The following CADPS variants were observed in gnomAD, a reference collection of about 807,000 sequenced individuals.
The protein encoded by CADPS is calcium-dependent secretion activator 1.
In CADPS, 57 loss-of-function variants were observed where a neutral mutation model predicts 167.3. The observed-to-expected ratio is 0.34, with a 90% confidence interval of 0.28 to 0.42. The LOEUF (loss-of-function observed/expected upper bound fraction) is 0.42. Ranked by LOEUF, CADPS falls within the 20% of genes least tolerant of loss-of-function variation. CADPS has a pLI of 1.00. For missense variants in CADPS, 1,414 were observed against 1,738.1 expected, an observed-to-expected ratio of 0.81 and a Z score of 3.32; for synonymous variants, 676 against 635.3, an observed-to-expected ratio of 1.06 and a Z score of -0.96.
intron 1 of CADPS, among the ~76,000 whole-genome samples, chr3:62,872,277 A>G (rs927169819): frequency 6.6e-6 from 1 of 152,184 alleles, no homozygotes; most frequent in African/African-American, 2.4e-5. Flanking sequence ...ATTACTCTCA[A>G]TCATTGCTTA....
chr3:62,563,212 T>C (rs1217081500), intron 9 of CADPS, among the ~76,000 whole-genome samples: 1 of 152,240 alleles, frequency 6.6e-6, no homozygotes, highest in Non-Finnish European at 1.5e-5. Flanking sequence ...ATAACCAGAA[T>C]ATAAATATAA....
intron 8 of CADPS, among the ~76,000 whole-genome samples, chr3:62,581,332 T>C (rs1054581222): frequency 1.6e-4 from 25 of 151,994 alleles, no homozygotes; most frequent in Non-Finnish European, 2.9e-5. Flanking sequence ...TCATCTCAAA[T>C]TGTAACTTAT....
chr3:62,444,768 C>A (rs1244278191), intron 27 of CADPS, among the ~76,000 whole-genome samples: 1 of 151,774 alleles, frequency 6.6e-6, no homozygotes, highest in East Asian at 1.9e-4. Flanking sequence ...TAAACCATTA[C>A]ACACTTAGCT....
At position 62,569,620 on chromosome 3, in the gene CADPS, G is replaced by C. The variant is rs190803675; in HGVS notation, c.1644+1252C>G. On this transcript the variant is annotated intron_variant, in intron 9 of 29. Transcript: ENST00000383710. ...AGTTCAGAGTTGGTGAAACCCTCAA[G>C]GTCATTTAGACCTAAAAGGGAGTTG... Among the ~76,000 whole-genome samples, 236 of 152,320 alleles carry C rather than the reference G, an allele frequency of 1.5e-3. 1 individual carries two copies. The highest frequency in any genetic ancestry group is 5.2e-3 in the African/African-American group (218 of 41,574).
intron 28 of CADPS, among the ~76,000 whole-genome samples, chr3:62,413,530 A>G (rs2049383635): frequency 6.6e-6 from 1 of 152,224 alleles, no homozygotes; most frequent in Non-Finnish European, 1.5e-5. Context: ...TCACGAAAAG[A>G]TAAAAACTGT....
intron 9 of CADPS, among the ~76,000 whole-genome samples, chr3:62,569,191 C>T (rs1363054734): frequency 6.6e-6 from 1 of 152,172 alleles, no homozygotes; most frequent in Non-Finnish European, 1.5e-5. Context: ...ACCTCCACCT[C>T]CCTGGTTCAA....
Position 62,765,853 on chromosome 3 carries a change from C to T in CADPS, c.555+18G>A. On this transcript the variant is annotated intron_variant, in intron 2 of 29. Coordinates refer to ENST00000383710, the MANE Select transcript of CADPS (RefSeq NM_003716.4). ...GGGCTTGAGTGGTCTTGGCATTCTT[C>T]TGAACAGTGATTCTCACCTCATAGT... The T allele has an allele frequency of 1.9e-6, 3 of 1,549,384 alleles. No homozygotes were observed. Among genetic ancestry groups the T allele is most frequent in the South Asian group, 2.2e-5 (2 of 89,414 alleles).
intron 4 of CADPS, among the ~76,000 whole-genome samples, chr3:62,657,457 A>G (rs1284599621): frequency 6.6e-6 from 1 of 152,186 alleles, no homozygotes; most frequent in Admixed American, 6.5e-5. Context: ...TAATGCCACA[A>G]TCTGTCTGCT....
chr3:62,490,466 A>T (rs1445296648), intron 21 of CADPS, among the ~76,000 whole-genome samples: 1 of 152,208 alleles, frequency 6.6e-6, no homozygotes, highest in Non-Finnish European at 1.5e-5. Flanking sequence ...TGGAGCCTCA[A>T]GTCAAGCCCT....
At chr3:62,866,981 G>A (rs891968066) in intron 1 of CADPS, among the ~76,000 whole-genome samples, 5 of 151,858 alleles carry the variant, frequency 3.3e-5, no homozygotes, top group African/African-American at 7.3e-5. Context: ...GTCTCTGTAC[G>A]CTATTGCATA....
chr3:62,535,469 A>G (rs2074499651), intron 12 of CADPS, among the ~76,000 whole-genome samples: 1 of 151,810 alleles, frequency 6.6e-6, no homozygotes, highest in South Asian at 2.1e-4. Flanking sequence ...TAGAAAAAAG[A>G]AAGATTGTCA....
chr3:62,733,012 C>T (rs2078230474), intron 3 of CADPS, among the ~76,000 whole-genome samples: 1 of 152,192 alleles, frequency 6.6e-6, no homozygotes, highest in African/African-American at 2.4e-5. Flanking sequence ...CTTATGCTCC[C>T]TGATAATCTA....
At chr3:62,418,961 A>G (rs2050755545) in intron 28 of CADPS, among the ~76,000 whole-genome samples, 1 of 152,222 alleles carries the variant, frequency 6.6e-6, no homozygotes, top group African/African-American at 2.4e-5. Flanking sequence ...TGGGCCAGAC[A>G]CCAGCTGCTC....
chr3:62,856,693 A>T (rs1283091465), intron 1 of CADPS, among the ~76,000 whole-genome samples: 1 of 151,956 alleles, frequency 6.6e-6, no homozygotes, highest in Non-Finnish European at 1.5e-5. Context: ...AATATTAATA[A>T]TATTAATACA....
Position 62,705,435 on chromosome 3 carries a change from T to C in CADPS, c.889-43041A>G, listed in dbSNP as rs368640466. Among the ~76,000 whole-genome samples the C allele has an allele frequency of 1.4e-4, 22 of 152,202 alleles. No homozygotes were observed. In the East Asian group the frequency reaches 4.1e-3, roughly 28 times the overall value. On this transcript the variant is annotated intron_variant, in intron 3 of 29. Transcript: ENST00000383710. ...TGGTTAATATTGAGTGTCAACTTGA[T>C]TGGACTGAAGGATGCAAAGTATTGT...
rs183658725 is a variant in CADPS at position 62,487,369 on chromosome 3, A to C, written c.3026+3970T>G. ...GAAATGTTGTCCATTTCTTGTTAGG[A>C]CCAAAACCTCATATTCACAGCTGCC... On this transcript the variant is annotated intron_variant, in intron 21 of 29. Transcript: ENST00000383710. Among the ~76,000 whole-genome samples, 576 of 152,308 alleles carry C rather than the reference A, an allele frequency of 3.8e-3. 4 individuals are homozygous for C. The highest frequency in any genetic ancestry group is 0.013 in the African/African-American group (543 of 41,566).
chr3:62,429,991 G>T (rs1215402880), intron 28 of CADPS, among the ~76,000 whole-genome samples: 1 of 152,192 alleles, frequency 6.6e-6, no homozygotes, highest in Non-Finnish European at 1.5e-5. Flanking sequence ...AGGTAAGAGA[G>T]TTCTATTTCT....
intron 27 of CADPS, among the ~76,000 whole-genome samples, chr3:62,445,391 A>C (rs2057031098): frequency 6.6e-6 from 1 of 152,214 alleles, no homozygotes; most frequent in Non-Finnish European, 1.5e-5. Flanking sequence ...AAAAAATACT[A>C]TCACCCTTGT....
chr3:62,800,581 T>C (rs1342084266), intron 1 of CADPS, among the ~76,000 whole-genome samples: 1 of 152,192 alleles, frequency 6.6e-6, no homozygotes, highest in African/African-American at 2.4e-5. Flanking sequence ...TATAGAAATA[T>C]GTTTAAATTA....
Sources: gnomAD v4.1 joint callset for allele counts (sites outside exome capture counted in the v4.1 genomes callset) on GRCh38, gnomAD v4.1.1 for gene constraint, MANE v1.5 for transcripts, NCBI Gene and HGNC (gene_info 2026-07-23, HGNC 2026-07-21) for gene names.